The following KCNQ1 variants were observed in gnomAD, a reference collection of about 807,000 sequenced individuals.
The protein encoded by KCNQ1 is potassium voltage-gated channel subfamily KQT member 1.
Under a neutral mutation model 72.4 loss-of-function variants are expected in KCNQ1, and 49 were observed. The observed-to-expected ratio is 0.68, with a 90% CI of 0.54 to 0.86. The LOEUF (loss-of-function observed/expected upper bound fraction) is 0.86, where lower values mean the gene tolerates loss of function less well. KCNQ1 is among the 40% of genes least tolerant of loss of function. The probability of loss-of-function intolerance (pLI) is 0.00; values close to 1 mark genes in which losing one functional copy is unlikely to be tolerated. For missense variants in KCNQ1, 790 were observed against 945.1 expected (o/e 0.84, Z 2.15); for synonymous variants, 450 against 412.6 (o/e 1.09, Z -1.10).
intron 10 of KCNQ1, chr11:2,622,302 C>A (rs939697463): frequency 7.5e-6 from 3 of 398,114 alleles, no homozygotes; most frequent in Non-Finnish European, 8.9e-6. Flanking sequence ...TATGTAATGT[C>A]CTCCTTTGTC....
intron 10 of KCNQ1, chr11:2,609,304 G>A (rs932584221): frequency 5.0e-6 from 2 of 398,154 alleles, no homozygotes; most frequent in Admixed American, 8.8e-5. Context: ...ATGTAGTGTT[G>A]TTTAATTTCC....
rs895034426 is a variant in KCNQ1, at chr11:2,462,873, G to A, written c.386+17389G>A. On this transcript the variant is annotated intron_variant, in intron 1 of 15. Coordinates refer to ENST00000155840, the MANE Select transcript of KCNQ1 (RefSeq NM_000218.3). The surrounding 1 kb of genome is among the most constrained non-coding windows in gnomAD (Gnocchi z 8.2). The stretch of plus-strand genomic sequence containing the variant: ...GCCCAGAGTGACAGGGACCAAACCT[G>A]GGTCCATGTGCCGTGCCCAGCCTGG... 3.3e-5 allele frequency among the ~76,000 whole-genome samples: 5 copies of A among 152,184 alleles called. No individual in the cohort carries two copies. The highest frequency in any genetic ancestry group is 1.2e-4 in the African/African-American group (5 of 41,440).
In KCNQ1 at chr11:2,662,275, C is replaced by T. The variant is rs1456225643; in HGVS notation, c.1514+194C>T. The T allele has an allele frequency of 4.7e-6, 3 of 633,460 alleles. No homozygotes were observed. In the Admixed American group the frequency reaches 8.6e-5, roughly 18 times the overall value. The allele number at this position is 633,460 out of a possible 1,614,324, so 39.2% of individuals were successfully genotyped here. ...GAGAGCAAGGGCACTTCCCACTGAG[C>T]CTGGGAACATGATCCTCTTGTTTTG... is the stretch of plus-strand genomic sequence containing the variant. On this transcript the variant is annotated intron_variant, in intron 11 of 15. Transcript: ENST00000155840.
At chr11:2,716,479 A>G (rs977099999) in intron 11 of KCNQ1, among the ~76,000 whole-genome samples, 2 of 152,152 alleles carry the variant, frequency 1.3e-5, no homozygotes, top group African/African-American at 4.8e-5. Flanking sequence ...CTCAGCAGAA[A>G]AGCCTTGTCC....
At chr11:2,604,711 A>AT (rs1848856056) in intron 10 of KCNQ1, among the ~76,000 whole-genome samples, 1 of 151,660 alleles carries the variant, frequency 6.6e-6, no homozygotes, top group Admixed American at 6.6e-5. Flanking sequence ...TGCCCAGCTA[A>AT]TTTTTTGTAT....
At chr11:2,666,017 T>C (rs1452979210) in intron 11 of KCNQ1, 10 of 398,620 alleles carry the variant, frequency 2.5e-5, no homozygotes, top group Admixed American at 8.8e-5. Flanking sequence ...GTCTGCCCCA[T>C]TGGTTGCACA....
chr11:2,454,800 T>C (rs115691647), intron 1 of KCNQ1, among the ~76,000 whole-genome samples: 1 of 152,210 alleles, frequency 6.6e-6, no homozygotes, highest in African/African-American at 2.4e-5. Context: ...GACAAACCCA[T>C]GGTAAATGTG....
chr11:2,542,104 C>T lies in KCNQ1; in HGVS notation c.477+14086C>T, dbSNP rs542659926. ...TCCAGGATATGGGGGTATCCAGACT[C>T]CTGAGACTTCCCCGTGGGTCCACAC... On this transcript the variant is annotated intron_variant, in intron 2 of 15. Transcript: ENST00000155840. 5.9e-5 allele frequency among the ~76,000 whole-genome samples: 9 copies of T among 152,348 alleles called. No homozygotes were observed. The East Asian group carries it at 1.7e-3, about 29-fold the overall frequency.
rs1564848012 is a variant in KCNQ1 at position 2,659,110 on chromosome 11, A to AT, written c.1394-2845dup. ...GTAGGGTCCTCCAACATCCGGGTTAATTTTTTAAATTTGCATACAGTAAAA... is the reference window on the plus strand; with the variant it reads ...GTAGGGTCCTCCAACATCCGGGTTAATTTTTTTAAATTTGCATACAGTAAAA... On this transcript the variant is annotated intron_variant, in intron 10 of 15. Transcript: ENST00000155840. The surrounding 1 kb of genome is among the most constrained non-coding windows in gnomAD (Gnocchi z 4.3). 1 of 398,410 alleles carries AT rather than the reference A, an allele frequency of 2.5e-6. No individual in the cohort carries two copies. The highest frequency in any genetic ancestry group is 4.4e-6 in the Non-Finnish European group (1 of 226,040). The allele number at this position is 398,410 out of a possible 1,614,324, so 24.7% of individuals were successfully genotyped here.
Position 2,603,793 on chromosome 11 carries a change from C to G in KCNQ1, c.1393+14939C>G, listed in dbSNP as rs753592894. 2.6e-5 allele frequency among the ~76,000 whole-genome samples: 4 copies of G among 152,012 alleles called. No individual in the cohort carries two copies. The highest frequency in any genetic ancestry group is 4.8e-5 in the African/African-American group (2 of 41,392). On this transcript the variant is annotated intron_variant, in intron 10 of 15. Transcript: ENST00000155840. The surrounding 1 kb of genome is among the most constrained non-coding windows in gnomAD (Gnocchi z 4.1). ...GCAACCTCCGCCTCCCGGGTTCAAG[C>G]AATTCACCCGCCTCAGCCTCCCAAG...
intron 6 of KCNQ1, among the ~76,000 whole-genome samples, chr11:2,573,388 A>G (rs1446057167): frequency 6.6e-6 from 1 of 152,124 alleles, no homozygotes; most frequent in Non-Finnish European, 1.5e-5. Context: ...CGTCAGATGC[A>G]TACCTCGCGT....
At chr11:2,667,738 T>C (rs1348217587) in intron 11 of KCNQ1, 3 of 398,234 alleles carry the variant, frequency 7.5e-6, no homozygotes, top group Non-Finnish European at 1.3e-5. Flanking sequence ...AGTGAGGGAG[T>C]GGGATGGGGC....
intron 15 of KCNQ1, 58 bp from the exon 16 acceptor site, chr11:2,847,709 G>C: frequency 6.7e-7 from 1 of 1,502,064 alleles, no homozygotes; most frequent in East Asian, 2.4e-5. Flanking sequence ...CCCTGAGGCT[G>C]TCTGCACACC....
In KCNQ1 at chr11:2,759,758, G is replaced by A. The variant is rs1846360175; in HGVS notation, c.1515-9086G>A. 6.6e-6 allele frequency among the ~76,000 whole-genome samples: 1 copy of A among 152,172 alleles called. No homozygotes were observed. The highest frequency in any genetic ancestry group is 2.1e-4 in the South Asian group (1 of 4,828). On this transcript the variant is annotated intron_variant, in intron 11 of 15. Transcript: ENST00000155840. The surrounding 1 kb of genome is among the most constrained non-coding windows in gnomAD (Gnocchi z 4.4). ...ATCTGACTTAACTGTCTGGCTGGGG[G>A]AGAGGGGACAGAGGTCCTGGGAGGG...
At chr11:2,500,890 G>A (rs1175077061) in intron 1 of KCNQ1, among the ~76,000 whole-genome samples, 4 of 151,136 alleles carry the variant, frequency 2.6e-5, no homozygotes, top group Admixed American at 6.6e-5. Flanking sequence ...GGGGGCAAGG[G>A]GAGGGAGGGA....
At position 2,724,351 on chromosome 11, in the gene KCNQ1, G is replaced by C. The variant is rs773129961; in HGVS notation, c.1515-44493G>C. ...TCCTCAGGAGTGACAGCGTCCTCCC[G>C]CCCGGATTGGGTTTCTGCACAGTGG... On this transcript the variant is annotated intron_variant, in intron 11 of 15. Coordinates refer to ENST00000155840, the MANE Select transcript of KCNQ1 (RefSeq NM_000218.3). The surrounding 1 kb of genome is among the most constrained non-coding windows in gnomAD (Gnocchi z 6.8). Among the ~76,000 whole-genome samples the C allele has an allele frequency of 1.3e-5, 2 of 152,138 alleles. No homozygotes were observed. The highest frequency in any genetic ancestry group is 1.3e-4 in the Admixed American group (2 of 15,286).
At chr11:2,499,503 A>G (rs957517876) in intron 1 of KCNQ1, among the ~76,000 whole-genome samples, 2 of 150,890 alleles carry the variant, frequency 1.3e-5, no homozygotes, top group African/African-American at 2.4e-5. Context: ...CAATCAAAAG[A>G]CAGAGTGGTT....
At chr11:2,709,135 T>C (rs1432141385) in intron 11 of KCNQ1, among the ~76,000 whole-genome samples, 3 of 152,144 alleles carry the variant, frequency 2.0e-5, no homozygotes, top group Non-Finnish European at 2.9e-5. Flanking sequence ...TGTAACCCTG[T>C]TGTGGCACGG....
Position 2,462,669 on chromosome 11 carries a change from G to C in KCNQ1, c.386+17185G>C, listed in dbSNP as rs889928265. Among the ~76,000 whole-genome samples, 4 of 152,068 alleles carry C rather than the reference G, an allele frequency of 2.6e-5. No homozygotes were observed. Among genetic ancestry groups the C allele is most frequent in the African/African-American group, 9.6e-5 (4 of 41,486 alleles). ...CTCTTGGTAGGGGTTGACCCTGCCTGTGACTTAGACAGCTTGGAGGGCCAG... is the reference window on the plus strand; with the variant it reads ...CTCTTGGTAGGGGTTGACCCTGCCTCTGACTTAGACAGCTTGGAGGGCCAG... On this transcript the variant is annotated intron_variant, in intron 1 of 15. Transcript: ENST00000155840. The surrounding 1 kb of genome is among the most constrained non-coding windows in gnomAD (Gnocchi z 8.2).
Sources: allele counts gnomAD v4.1 joint callset (sites outside exome capture counted in the v4.1 genomes callset), GRCh38; gene constraint gnomAD v4.1.1; non-coding constraint Gnocchi (gnomAD v3.1); transcripts MANE v1.5; gene names NCBI Gene and HGNC (gene_info 2026-07-23, HGNC 2026-07-21).